Variants in LTBP1 observed in about 807,000 individuals in gnomAD.
The protein encoded by LTBP1 is latent transforming growth factor beta binding protein 1, also known as latent-transforming growth factor beta-binding protein 1.
In LTBP1, 129 loss-of-function variants were observed where a neutral mutation model predicts 207.6. That is an observed-to-expected ratio of 0.62 (90% CI 0.54 to 0.72). The LOEUF (loss-of-function observed/expected upper bound fraction) is 0.72, where lower values mean the gene tolerates loss of function less well. LTBP1 is among the 30% of genes least tolerant of loss of function. LTBP1 has a pLI of 0.00. For missense variants in LTBP1, 2,281 were observed against 2,217.2 expected, an observed-to-expected ratio of 1.03 and a Z score of -0.58; for synonymous variants, 963 against 833.7, an observed-to-expected ratio of 1.16 and a Z score of -2.67.
chr2:33,272,673 A>G (rs1490622161), intron 15 of LTBP1, among the ~76,000 whole-genome samples: 1 of 152,204 alleles, frequency 6.6e-6, no homozygotes, highest in Non-Finnish European at 1.5e-5. Context: ...TAGAATGGTG[A>G]GGTCACTTGC....
At chr2:33,049,048 G>C (rs1464251790) in intron 3 of LTBP1, among the ~76,000 whole-genome samples, 1 of 152,122 alleles carries the variant, frequency 6.6e-6, no homozygotes, top group Non-Finnish European at 1.5e-5. Context: ...CAATGAATAA[G>C]AAAGTAACCT....
At chr2:33,188,314 G>C (rs1012843531) in intron 6 of LTBP1, among the ~76,000 whole-genome samples, 6 of 151,432 alleles carry the variant, frequency 4.0e-5, no homozygotes, top group African/African-American at 1.5e-4. Flanking sequence ...CCAGGTACTC[G>C]GGAGGCTGAG....
At chr2:33,153,717 C>G (rs957692166) in intron 5 of LTBP1, among the ~76,000 whole-genome samples, 1 of 152,172 alleles carries the variant, frequency 6.6e-6, no homozygotes, top group Admixed American at 6.5e-5. Flanking sequence ...CTGGTAAATT[C>G]TAAGTGAATT....
intron 5 of LTBP1, among the ~76,000 whole-genome samples, chr2:33,166,243 A>G (rs2084908921): frequency 6.6e-6 from 1 of 152,178 alleles, no homozygotes; most frequent in Non-Finnish European, 1.5e-5. Flanking sequence ...GTACATTTTC[A>G]TTCTGAATTA....
intron 5 of LTBP1, among the ~76,000 whole-genome samples, chr2:33,152,378 G>A (rs542505930): frequency 8.5e-5 from 13 of 152,146 alleles, no homozygotes; most frequent in African/African-American, 2.6e-4. Context: ...ACCACCTCAC[G>A]CCTGCAAGAA....
chr2:32,977,013 C>T (rs142309543), intron 2 of LTBP1, among the ~76,000 whole-genome samples: 4 of 152,320 alleles, frequency 2.6e-5, no homozygotes, highest in Non-Finnish European at 5.9e-5. Flanking sequence ...GGCCCCTCTG[C>T]CTACCAGTGG....
At chr2:33,165,131 A>C (rs1464865808) in intron 5 of LTBP1, among the ~76,000 whole-genome samples, 1 of 152,220 alleles carries the variant, frequency 6.6e-6, no homozygotes. Context: ...TCATAGAAAA[A>C]TTCTGTAGGG....
intron 3 of LTBP1, among the ~76,000 whole-genome samples, chr2:33,080,895 G>A (rs949262914): frequency 1.5e-4 from 23 of 152,120 alleles, no homozygotes; most frequent in Non-Finnish European, 2.9e-5. Flanking sequence ...CTTACCCATT[G>A]CAAGGTTCGT....
chr2:33,342,957 T>G lies in LTBP1; in HGVS notation c.3850T>G (p.Cys1284Gly), dbSNP rs1573932963. The G allele has an allele frequency of 6.2e-7, 1 of 1,609,596 alleles. No homozygotes were observed. Among genetic ancestry groups the G allele is most frequent in the African/African-American group, 1.3e-5 (1 of 74,744 alleles). Residue 1284 changes from cysteine to glycine, a missense_variant, in exon 25 of 34, where the codon TGT becomes GGT. By Grantham distance (159) the Cys-to-Gly change is radical. Coordinates refer to ENST00000404816, the MANE Select transcript of LTBP1 (RefSeq NM_206943.4). ...GFQAPQDGQG[C>G]VDVNECELLS... ...TCAAGCCCCACAGGATGGGCAAGGG[T>G]GTGTGGGTGAGTTTTTAGATTTTTT... is the stretch of plus-strand genomic sequence containing the variant.
At chr2:33,226,018 T>C (rs2091415740) in intron 9 of LTBP1, among the ~76,000 whole-genome samples, 1 of 152,224 alleles carries the variant, frequency 6.6e-6, no homozygotes, top group South Asian at 2.1e-4. Context: ...ATCTTGGCTA[T>C]TATGACTGGT....
chr2:33,348,859 T>C (rs189844830), intron 26 of LTBP1, among the ~76,000 whole-genome samples: 1 of 152,386 alleles, frequency 6.6e-6, no homozygotes, highest in Non-Finnish European at 1.5e-5. Flanking sequence ...CAATAACTAA[T>C]TGAGCTTATT....
At chr2:33,271,375 A>T (rs1027767711) in intron 15 of LTBP1, among the ~76,000 whole-genome samples, 4 of 152,122 alleles carry the variant, frequency 2.6e-5, no homozygotes, top group Non-Finnish European at 5.9e-5. Flanking sequence ...AAGATAGGTC[A>T]ATAACCACCC....
chr2:32,994,838 G>T (rs1433669191), intron 2 of LTBP1, among the ~76,000 whole-genome samples: 1 of 152,104 alleles, frequency 6.6e-6, no homozygotes, highest in Non-Finnish European at 1.5e-5. Flanking sequence ...CAGTTCTCAG[G>T]CTACATCCCA....
Position 33,082,442 on chromosome 2 carries a change from T to A in LTBP1, c.864-28140T>A, listed in dbSNP as rs1335044727. On this transcript the variant is annotated intron_variant, in intron 3 of 33. Transcript: ENST00000404816. ...CTAAAGTATGACTCACTTTTTTTTT[T>A]TTTTTTTTTTTTTTTTTTTTTTTTG... Among the ~76,000 whole-genome samples, 63 of 124,864 alleles carry A rather than the reference T, an allele frequency of 5.0e-4. 8 individuals are homozygous for A. The highest frequency in any genetic ancestry group is 1.5e-3 in the South Asian group (5 of 3,250). The allele number at this position is 124,864 out of a possible 152,430, so 81.9% of individuals were successfully genotyped here.
intron 3 of LTBP1, among the ~76,000 whole-genome samples, chr2:33,054,710 C>T (rs541590644): frequency 1.3e-3 from 202 of 152,282 alleles, no homozygotes; most frequent in Non-Finnish European, 1.5e-3. Context: ...GAGATTAACA[C>T]TGAGAAGGCC....
intron 2 of LTBP1, among the ~76,000 whole-genome samples, chr2:32,993,413 GCA>G (rs1474415218): frequency 6.6e-6 from 1 of 152,064 alleles, no homozygotes; most frequent in South Asian, 2.1e-4. Flanking sequence ...ACACACATAT[GCA>G]CACACACTCT....
At position 33,119,166 on chromosome 2, in the gene LTBP1, AT is replaced by A. The variant is rs34112067; in HGVS notation, c.1033+8425del. On this transcript the variant is annotated intron_variant, in intron 4 of 33. Coordinates refer to ENST00000404816, the MANE Select transcript of LTBP1 (RefSeq NM_206943.4). ...TCCAGAATATTCTGGAGTCAGACTG[AT>A]TTTTTTTTTCCCTAGGGAAAGGTAA... Among the ~76,000 whole-genome samples the A allele has an allele frequency of 2.7e-4, 40 of 150,142 alleles. No individual in the cohort carries two copies. In the East Asian group the frequency reaches 6.3e-3, roughly 24 times the overall value.
intron 7 of LTBP1, among the ~76,000 whole-genome samples, chr2:33,191,314 A>C (rs554427432): frequency 7.9e-5 from 12 of 152,338 alleles, no homozygotes; most frequent in African/African-American, 2.9e-4. Flanking sequence ...GAGTTACCCA[A>C]ATAATTAAAA....
At chr2:32,949,342 G>A (rs1477349913) in intron 2 of LTBP1, among the ~76,000 whole-genome samples, 2 of 152,220 alleles carry the variant, frequency 1.3e-5, no homozygotes, top group East Asian at 3.9e-4. Flanking sequence ...GGGGCTTGGG[G>A]AGTAGAGGGC....
Sources: allele counts gnomAD v4.1 joint callset (sites outside exome capture counted in the v4.1 genomes callset), GRCh38; gene constraint gnomAD v4.1.1; transcripts MANE v1.5; gene names NCBI Gene and HGNC (gene_info 2026-07-23, HGNC 2026-07-21).